The following NOL4L variants were observed in gnomAD, a reference collection of about 807,000 sequenced individuals.
NOL4L encodes nucleolar protein 4-like.
NOL4L carries 7 observed loss-of-function variants against 64.5 expected under a neutral mutation model. The ratio of observed to expected loss-of-function variants is 0.11; its 90% confidence interval spans 0.06 to 0.20. The LOEUF is 0.20. Among genes scored for constraint, NOL4L ranks in the 10% least tolerant of loss-of-function variants. The pLI is 1.00. For missense variants in NOL4L, 680 were observed against 967.1 expected, an observed-to-expected ratio of 0.70 and a Z score of 3.94; for synonymous variants, 413 against 401.0, an observed-to-expected ratio of 1.03 and a Z score of -0.36.
At chr20:32,488,764 T>C (rs1213362935) in intron 4 of NOL4L, among the ~76,000 whole-genome samples, 2 of 54,738 alleles carry the variant, frequency 3.7e-5, no homozygotes, top group East Asian at 2.1e-3. Flanking sequence ...CCTTCCTTCC[T>C]TCCTTCCTTC....
intron 1 of NOL4L, among the ~76,000 whole-genome samples, chr20:32,555,919 C>A (rs988671098): frequency 2.0e-5 from 3 of 151,910 alleles, no homozygotes; most frequent in Admixed American, 2.0e-4. Flanking sequence ...CCTCCCTGAC[C>A]CTCCAGACCC....
chr20:32,492,433 G>A (rs557036712), intron 4 of NOL4L, among the ~76,000 whole-genome samples: 1 of 152,238 alleles, frequency 6.6e-6, no homozygotes, highest in Non-Finnish European at 1.5e-5. Context: ...TGACTAGAGG[G>A]AGCACAAAGG....
chr20:32,581,121 C>T (rs975970059), intron 1 of NOL4L, among the ~76,000 whole-genome samples: 5 of 152,174 alleles, frequency 3.3e-5, no homozygotes, highest in Non-Finnish European at 5.9e-5. Flanking sequence ...AGATCTTATC[C>T]CCACCAGCAC....
At chr20:32,489,652 T>C (rs2016373114) in intron 4 of NOL4L, among the ~76,000 whole-genome samples, 1 of 152,014 alleles carries the variant, frequency 6.6e-6, no homozygotes, top group Non-Finnish European at 1.5e-5. Context: ...GGCTTTAAAA[T>C]ATGTTTTCTG....
chr20:32,457,157 G>A (rs553411702), intron 5 of NOL4L, among the ~76,000 whole-genome samples: 3 of 152,350 alleles, frequency 2.0e-5, no homozygotes, highest in Admixed American at 1.3e-4. Context: ...GCGCGGCACC[G>A]CCAGCCTGCG....
In NOL4L at chr20:32,452,315, G is replaced by T. The variant is rs749822933; in HGVS notation, c.1743C>A (p.Asn581Lys). 1.2e-6 allele frequency: 2 copies of T among 1,609,816 alleles called. No homozygotes were observed. Among genetic ancestry groups the T allele is most frequent in the South Asian group, 2.2e-5 (2 of 90,408 alleles). The change falls in exon 10 of 11, where the codon AAC becomes AAA. Residue 581 changes from asparagine (N) to lysine (K), a missense_variant. By Grantham distance (94) the Asn-to-Lys change is moderately conservative. Transcript: ENST00000621426. ...AGGCCCCGTACCCGCGGTAACTGTA[G>T]TTGAGGCCGCCGTTGGCGTACACAG... ...QDPVYANGGL[N>K]YSYRGYGALS...
intron 1 of NOL4L, among the ~76,000 whole-genome samples, chr20:32,560,123 G>C (rs993144828): frequency 6.6e-6 from 1 of 152,266 alleles, no homozygotes; most frequent in Admixed American, 6.5e-5. Context: ...CAGGGGAAGG[G>C]AGCACTGGTG....
At chr20:32,563,561 C>T (rs1979229673) in intron 1 of NOL4L, among the ~76,000 whole-genome samples, 1 of 152,070 alleles carries the variant, frequency 6.6e-6, no homozygotes, top group South Asian at 2.1e-4. Context: ...ACAGGGCTTG[C>T]ATATTCCTCA....
chr20:32,491,609 C>T (rs2016473503), intron 4 of NOL4L, among the ~76,000 whole-genome samples: 1 of 152,212 alleles, frequency 6.6e-6, no homozygotes, highest in South Asian at 2.1e-4. Context: ...GCCAGCACAG[C>T]TCTGAAGTCT....
At position 32,456,101 on chromosome 20, in the gene NOL4L, C is replaced by A; in HGVS notation, c.1119+17G>T. ...CCTTTACAGAAAGAAATGGACTCAG[C>A]CCCCAGCCCCACACACCTCGGGGGT... On this transcript the variant is annotated intron_variant, in intron 6 of 10. Coordinates refer to ENST00000621426, the MANE Select transcript of NOL4L (RefSeq NM_001256798.2). 1 of 1,481,640 alleles carries A rather than the reference C, an allele frequency of 6.7e-7. No individual in the cohort carries two copies. Among genetic ancestry groups the A allele is most frequent in the Non-Finnish European group, 9.0e-7 (1 of 1,114,682 alleles). 91.8% of individuals were successfully genotyped at this position (1,481,640 alleles called of 1,614,324 possible). A position where few individuals can be genotyped will look rare whatever the true frequency, so the allele number is the denominator to read the frequency against.
chr20:32,499,705 C>G (rs2016839062), intron 4 of NOL4L, among the ~76,000 whole-genome samples: 1 of 133,814 alleles, frequency 7.5e-6, no homozygotes. Context: ...TGCGACTGCA[C>G]TCTAGCCTGG....
At chr20:32,569,663 G>A (rs908878003) in intron 1 of NOL4L, among the ~76,000 whole-genome samples, 6 of 152,094 alleles carry the variant, frequency 3.9e-5, no homozygotes, top group Non-Finnish European at 8.8e-5. Context: ...ACCAGGACAG[G>A]GGCTGGCTTC....
chr20:32,491,270 G>A (rs1042930598), intron 4 of NOL4L, among the ~76,000 whole-genome samples: 1 of 152,194 alleles, frequency 6.6e-6, no homozygotes, highest in African/African-American at 2.4e-5. Flanking sequence ...TCCCCAGGGT[G>A]TGAGAAGGAA....
chr20:32,451,979 C>T (rs959949705), intron 10 of NOL4L, among the ~76,000 whole-genome samples: 7 of 152,208 alleles, frequency 4.6e-5, no homozygotes, highest in Admixed American at 2.6e-4. Context: ...TTGGAGCAAG[C>T]GTCACTGGCG....
rs1166743809 is a variant in NOL4L at position 32,447,653 on chromosome 20, A to G, written c.1986T>C (p.Ala662=). Residue 662 remains alanine, a synonymous_variant, in exon 11 of 11, where the codon GCT becomes GCC. Coordinates refer to ENST00000621426, the MANE Select transcript of NOL4L (RefSeq NM_001256798.2). ...CATCTGCAGAGCGCAGCAGGAAGGC[A>G]GCAGACTCCCGGTAGCCCGCGATGA... ...RQLIAGYRES[A]AFLLRSADEL... is the part of the protein sequence containing the mutation. 6.2e-7 allele frequency: 1 copy of G among 1,611,570 alleles called. No homozygotes were observed. The highest frequency in any genetic ancestry group is 1.1e-5 in the South Asian group (1 of 91,026).
At chr20:32,449,190 T>C (rs2012618096) in intron 10 of NOL4L, among the ~76,000 whole-genome samples, 1 of 152,212 alleles carries the variant, frequency 6.6e-6, no homozygotes, top group Non-Finnish European at 1.5e-5. Flanking sequence ...TGGGAAGCCT[T>C]CTCTGATGCA....
chr20:32,567,358 G>GC (rs1323728381), intron 1 of NOL4L, among the ~76,000 whole-genome samples: 1 of 152,172 alleles, frequency 6.6e-6, no homozygotes, highest in African/African-American at 2.4e-5. Flanking sequence ...AACGGGATCT[G>GC]CCCCAGACAC....
At chr20:32,450,898 T>A (rs1600623371) in intron 10 of NOL4L, among the ~76,000 whole-genome samples, 1 of 152,280 alleles carries the variant, frequency 6.6e-6, no homozygotes, top group Non-Finnish European at 1.5e-5. Flanking sequence ...GGCGGCCTCT[T>A]ATTTTAGGTT....
intron 1 of NOL4L, among the ~76,000 whole-genome samples, chr20:32,534,821 G>T (rs1296019212): frequency 6.6e-6 from 1 of 150,728 alleles, no homozygotes; most frequent in Non-Finnish European, 1.5e-5. Flanking sequence ...GGTGTAGGCT[G>T]CAGTGAGTCA....
Sources: allele counts gnomAD v4.1 joint callset (sites outside exome capture counted in the v4.1 genomes callset), GRCh38; gene constraint gnomAD v4.1.1; transcripts MANE v1.5; gene names NCBI Gene and HGNC (gene_info 2026-07-23, HGNC 2026-07-21).